The following HMCN1 variants were observed in gnomAD, a reference collection of about 807,000 sequenced individuals.
The protein encoded by HMCN1 is hemicentin-1.
A neutral mutation model predicts 625.9 loss-of-function variants in HMCN1; 321 were observed. The observed-to-expected ratio is 0.51, with a 90% CI of 0.47 to 0.56. The LOEUF (loss-of-function observed/expected upper bound fraction) is 0.56, where lower values mean the gene tolerates loss of function less well. Among genes scored for constraint, HMCN1 ranks in the 20% least tolerant of loss-of-function variants. The pLI, the probability that HMCN1 is intolerant of heterozygous loss-of-function variation, is 0.00. For missense variants in HMCN1, 6,588 were observed against 6,887.3 expected, an observed-to-expected ratio of 0.96 and a Z score of 1.54; for synonymous variants, 2,425 against 2,417.6, an observed-to-expected ratio of 1.00 and a Z score of -0.09.
At chr1:185,903,713 A>T (rs953923457) in intron 4 of HMCN1, among the ~76,000 whole-genome samples, 1 of 151,742 alleles carries the variant, frequency 6.6e-6, no homozygotes, top group Non-Finnish European at 1.5e-5. Flanking sequence ...CAACCATGAC[A>T]CTGGATTTGT....
At chr1:185,813,901 C>T (rs1330248533) in intron 1 of HMCN1, among the ~76,000 whole-genome samples, 3 of 152,116 alleles carry the variant, frequency 2.0e-5, no homozygotes, top group Admixed American at 1.3e-4. Context: ...AGTTTAGACT[C>T]ATCTTGGAGA....
rs764358836 is a variant in HMCN1 at position 185,981,036 on chromosome 1, G to A, written c.2625G>A (p.Lys875=). 2 of 1,611,954 alleles carry A rather than the reference G, an allele frequency of 1.2e-6. No individual in the cohort carries two copies. Among genetic ancestry groups the A allele is most frequent in the Non-Finnish European group, 1.7e-6 (2 of 1,178,082 alleles). Residue 875 remains lysine, a synonymous_variant, in exon 17 of 107, where the codon AAG becomes AAA. Transcript: ENST00000271588. ...YICEAENQFG[K]IQSETTVTVT... ...GTGAAGCTGAAAACCAGTTTGGAAA[G>A]ATCCAGTCAGAGACAACAGTAACAG...
chr1:185,965,745 C>T (rs1650358678), intron 13 of HMCN1, 57 bp from the exon 14 acceptor site: 1 of 979,106 alleles, frequency 1.0e-6, no homozygotes, highest in Non-Finnish European at 1.7e-6. Context: ...TAAACATAAA[C>T]AAAATCCATC....
intron 104 of HMCN1, among the ~76,000 whole-genome samples, chr1:186,181,409 CTTTG>C (rs994429187): frequency 2.6e-5 from 4 of 152,078 alleles, no homozygotes; most frequent in African/African-American, 9.7e-5. Context: ...ATTTTCATGG[CTTTG>C]TTTAATAATA....
In HMCN1 at chr1:186,093,512, G is replaced by A; in HGVS notation, c.10039G>A (p.Asp3347Asn). The A allele has an allele frequency of 6.2e-7, 1 of 1,613,370 alleles. No individual in the cohort carries two copies. ...YVTPTIRGNK[D>N]EAEKLMTLVD... ...TACACCTACAATTAGGGGTAATAAAGATGAAGCAGAGAAACTAATGACTTT... is the reference window on the plus strand; with the variant it reads ...TACACCTACAATTAGGGGTAATAAAAATGAAGCAGAGAAACTAATGACTTT... The change falls in exon 66 of 107, where the codon GAT (aspartate) becomes AAT (asparagine). Residue 3347 changes from aspartate to asparagine, a missense_variant. By Grantham distance (23) the Asp-to-Asn change is conservative. Around this residue, in one of 3 missense-constraint regions of HMCN1, gnomAD observed 4,628 missense variants for 4,853.1 expected, o/e 0.95. Transcript: ENST00000271588.
intron 97 of HMCN1, among the ~76,000 whole-genome samples, chr1:186,162,439 C>G (rs1392075622): frequency 6.6e-6 from 1 of 151,890 alleles, no homozygotes; most frequent in Non-Finnish European, 1.5e-5. Context: ...CTCTGTCCAG[C>G]TTTATTCCAT....
At chr1:185,782,030 A>G (rs186240212) in intron 1 of HMCN1, among the ~76,000 whole-genome samples, 14 of 152,214 alleles carry the variant, frequency 9.2e-5, no homozygotes, top group Admixed American at 2.6e-4. Flanking sequence ...CTGGGTGCTC[A>G]TGTATTGGGT....
intron 97 of HMCN1, among the ~76,000 whole-genome samples, chr1:186,164,325 C>T (rs558208495): frequency 3.7e-4 from 55 of 150,164 alleles, no homozygotes; most frequent in South Asian, 2.3e-3. Flanking sequence ...CTACAAGCTC[C>T]GCCTCCTGGG....
At chr1:186,043,519 A>G (rs1189165321) in intron 40 of HMCN1, among the ~76,000 whole-genome samples, 1 of 152,180 alleles carries the variant, frequency 6.6e-6, no homozygotes, top group Non-Finnish European at 1.5e-5. Flanking sequence ...GAAGGAAAAT[A>G]TATTTGGAAA....
At chr1:185,784,849 C>G (rs1347319599) in intron 1 of HMCN1, among the ~76,000 whole-genome samples, 3 of 152,160 alleles carry the variant, frequency 2.0e-5, no homozygotes, top group Admixed American at 2.0e-4. Flanking sequence ...CATGTAAGCC[C>G]AGAATGTTCC....
chr1:185,808,923 G>A (rs1659340285), intron 1 of HMCN1, among the ~76,000 whole-genome samples: 1 of 152,196 alleles, frequency 6.6e-6, no homozygotes, highest in Admixed American at 6.5e-5. Flanking sequence ...TGGATTAGCT[G>A]TTTGGAATGG....
Position 186,076,596 on chromosome 1 carries a change from C to T in HMCN1, c.8459C>T (p.Ser2820Leu), listed in dbSNP as rs369375824. ...TACAAAGATGGCCACCCTCTGACCT[C>T]AAGTGATAAAGTATTGATTTTGCCA... is the stretch of plus-strand genomic sequence containing the variant. ...TWYKDGHPLT[S>L]SDKVLILPGG... The change falls in exon 54 of 107, where the codon TCA becomes TTA. Residue 2820 changes from serine (S) to leucine (L), a missense_variant. Coordinates refer to ENST00000271588, the MANE Select transcript of HMCN1 (RefSeq NM_031935.3). 2.5e-6 allele frequency: 4 copies of T among 1,613,660 alleles called. No homozygotes were observed. The highest frequency in any genetic ancestry group is 3.3e-5 in the Admixed American group (2 of 59,978).
At chr1:186,095,830 A>G (rs1660113841) in intron 68 of HMCN1, among the ~76,000 whole-genome samples, 1 of 152,104 alleles carries the variant, frequency 6.6e-6, no homozygotes. Context: ...AACACATCCG[A>G]TTATAGAAAT....
intron 2 of HMCN1, among the ~76,000 whole-genome samples, chr1:185,847,820 G>A (rs555614683): frequency 3.9e-5 from 6 of 152,082 alleles, no homozygotes; most frequent in African/African-American, 1.2e-4. Flanking sequence ...AGGCATGGTG[G>A]TGCATGCCTG....
At chr1:186,112,709 A>G (rs1050797291) in intron 71 of HMCN1, 103 bp from the exon 72 acceptor site, 2 of 1,368,642 alleles carry the variant, frequency 1.5e-6, no homozygotes, top group African/African-American at 2.9e-5. Context: ...GCTGACAGAC[A>G]GCAGGTCCAC....
intron 19 of HMCN1, 71 bp downstream of exon 19, chr1:185,984,384 T>C (rs1651873569): frequency 7.1e-7 from 1 of 1,402,310 alleles, no homozygotes; most frequent in Non-Finnish European, 1.0e-6. Flanking sequence ...TTTAATCAAA[T>C]AACTCTGTTC....
chr1:185,885,627 A>G (rs1157640722), intron 4 of HMCN1, among the ~76,000 whole-genome samples: 1 of 151,900 alleles, frequency 6.6e-6, no homozygotes, highest in East Asian at 1.9e-4. Context: ...CTTAAGGTAT[A>G]GGCTTACTGC....
At chr1:186,095,175 G>A (rs1660062294) in intron 67 of HMCN1, 68 bp from the exon 68 acceptor site, 2 of 1,449,292 alleles carry the variant, frequency 1.4e-6, no homozygotes, top group Non-Finnish European at 1.9e-6. Context: ...TTATTCAAAT[G>A]TTTTAATTTA....
At chr1:186,057,134 C>A in intron 45 of HMCN1, 100 bp from the exon 46 acceptor site, 1 of 956,302 alleles carries the variant, frequency 1.0e-6, no homozygotes, top group Non-Finnish European at 1.7e-6. Flanking sequence ...TTAACATACA[C>A]TGTTTAGGAT....
Sources: allele counts gnomAD v4.1 joint callset (sites outside exome capture counted in the v4.1 genomes callset), GRCh38; gene constraint gnomAD v4.1.1; regional missense constraint gnomAD v4.1.1; transcripts MANE v1.5; gene names NCBI Gene and HGNC (gene_info 2026-07-23, HGNC 2026-07-21).